SYMPK: variants seen among roughly 807,000 people sequenced by gnomAD.
SYMPK encodes symplekin scaffold protein.
A neutral mutation model predicts 136.4 loss-of-function variants in SYMPK; 49 were observed. That is an observed-to-expected ratio of 0.36 (90% confidence interval 0.29 to 0.46). The LOEUF is 0.46. Among genes scored for constraint, SYMPK ranks in the 20% least tolerant of loss-of-function variants. The pLI, the probability that SYMPK is intolerant of heterozygous loss-of-function variation, is 1.00. For synonymous variants in SYMPK, 766 were observed against 713.0 expected, an observed-to-expected ratio of 1.07 and a Z score of -1.19; for missense variants, 1,365 against 1,690.0, an observed-to-expected ratio of 0.81 and a Z score of 3.37.
rs1971673332 is a variant in SYMPK at position 45,850,474 on chromosome 19, G to A, written c.300-1598C>T. ...CTTCCTCCCAGTCACAAAGCATCCA[G>A]TAAAGCTTTAATAAACAAATGAGCA... On this transcript the variant is annotated intron_variant, in intron 5 of 26. Transcript: ENST00000245934. Among the ~76,000 whole-genome samples, 3 of 152,168 alleles carry A rather than the reference G, an allele frequency of 2.0e-5. No individual in the cohort carries two copies. The South Asian group carries it at 6.2e-4, about 32-fold the overall frequency.
At chr19:45,819,097 C>A (rs145688276) in intron 22 of SYMPK, 1 of 152,256 alleles carries the variant, frequency 6.6e-6, no homozygotes, top group African/African-American at 2.4e-5. Flanking sequence ...CCCTGCTCCT[C>A]GTCAGGGCCA....
chr19:45,830,356 G>T, intron 12 of SYMPK, 152 bp from the exon 13 acceptor site: 2 of 871,062 alleles, frequency 2.3e-6, no homozygotes, highest in Non-Finnish European at 1.7e-6. Flanking sequence ...CTGAGGCACG[G>T]TGTGGCGGTG....
intron 11 of SYMPK, among the ~76,000 whole-genome samples, chr19:45,834,590 T>C (rs1284339407): frequency 1.3e-5 from 2 of 152,178 alleles, no homozygotes; most frequent in Non-Finnish European, 2.9e-5. Context: ...TCATTATGTA[T>C]ATGCAAATAC....
chr19:45,834,412 T>C (rs1373550972), intron 11 of SYMPK, among the ~76,000 whole-genome samples: 5 of 151,534 alleles, frequency 3.3e-5, no homozygotes, highest in Non-Finnish European at 7.4e-5. Flanking sequence ...TAAGCCGAGA[T>C]TGCACCACTG....
At position 45,847,775 on chromosome 19, in the gene SYMPK, C is replaced by T. The variant is rs776872481; in HGVS notation, c.653G>A (p.Arg218His). The T allele has an allele frequency of 5.6e-6, 9 of 1,613,640 alleles. No individual in the cohort carries two copies. Among genetic ancestry groups the T allele is most frequent in the Admixed American group, 5.0e-5 (3 of 59,954 alleles). ...EHDISLDRIP[R>H]DHPYIQYNVL... is the part of the protein sequence containing the mutation. ...ACTGTACTGGATGTAGGGGTGGTCA[C>T]GAGGGATGCGGTCCAGGCTGATATC... Residue 218 changes from arginine to histidine, a missense_variant, in exon 7 of 27, where the codon CGT (arginine) becomes CAT (histidine). Transcript: ENST00000245934.
At chr19:45,817,255 CCT>C in intron 23 of SYMPK, 1 of 431,754 alleles carries the variant, frequency 2.3e-6, no homozygotes, top group South Asian at 2.9e-5. Context: ...TGCGGGAGCA[CCT>C]CTCATGACAT....
intron 24 of SYMPK, 43 bp from the exon 25 acceptor site, chr19:45,816,620 A>G (rs1157156101): frequency 6.2e-7 from 1 of 1,611,272 alleles, no homozygotes; most frequent in Admixed American, 1.7e-5. Flanking sequence ...CAGCTCTGGC[A>G]CAGAGACCCC....
chr19:45,854,472 G>A lies in SYMPK; in HGVS notation c.24C>T (p.Ser8=), dbSNP rs747620151. The change falls in exon 2 of 27, where the codon AGC becomes AGT. Residue 8 remains serine (S), a synonymous_variant. Coordinates refer to ENST00000245934, the MANE Select transcript of SYMPK (RefSeq NM_004819.3). MASGSGD[S]VTRRSVASQF... is the part of the protein sequence containing the mutation. The stretch of plus-strand genomic sequence containing the variant: ...GTGATGCCACGCTCCGACGGGTGAC[G>A]CTGTCTCCACTGCCGCTCGCCATGG... The A allele has an allele frequency of 5.0e-6, 8 of 1,613,784 alleles. No individual in the cohort carries two copies. The highest frequency in any genetic ancestry group is 2.7e-5 in the African/African-American group (2 of 74,926).
chr19:45,827,448 G>T, intron 16 of SYMPK, 62 bp downstream of exon 16: 1 of 1,213,070 alleles, frequency 8.2e-7, no homozygotes, highest in Non-Finnish European at 1.2e-6. Flanking sequence ...GGTTACTCAG[G>T]ATAGAGGCGG....
chr19:45,816,139 C>T lies in SYMPK; in HGVS notation c.3399G>A (p.Arg1133=). ...PLTLAPAPAP[R]PPQDLIGLRL... is the part of the protein sequence containing the mutation. Reference sequence around the variant, plus strand: ...GCAGGCCGATGAGGTCCTGAGGGGGCCGGGGTGCTGGGGCCGGGGCCAAGG... The same window carrying T: ...GCAGGCCGATGAGGTCCTGAGGGGGTCGGGGTGCTGGGGCCGGGGCCAAGG... Residue 1133 remains arginine, a synonymous_variant, in exon 26 of 27, where the codon CGG becomes CGA. Transcript: ENST00000245934. 2 of 1,548,774 alleles carry T rather than the reference C, an allele frequency of 1.3e-6. No homozygotes were observed. Among genetic ancestry groups the T allele is most frequent in the Non-Finnish European group, 8.7e-7 (1 of 1,144,018 alleles).
chr19:45,849,690 A>C (rs1182249805), intron 5 of SYMPK, among the ~76,000 whole-genome samples: 2 of 152,214 alleles, frequency 1.3e-5, no homozygotes, highest in Admixed American at 6.5e-5. Context: ...AATTTACCAC[A>C]AATTCTCCCA....
In SYMPK at chr19:45,816,035, G is replaced by T; in HGVS notation, c.3503C>A (p.Ser1168Tyr). 6.3e-7 allele frequency: 1 copy of T among 1,581,586 alleles called. No homozygotes were observed. Among genetic ancestry groups the T allele is most frequent in the Non-Finnish European group, 8.6e-7 (1 of 1,163,668 alleles). ...KLKPGGVGAPSSSSPSPSPSA... is the reference protein window; with the variant it reads ...KLKPGGVGAPYSSSPSPSPSA... The stretch of plus-strand genomic sequence containing the variant: ...CGGAGAGGGAGAGGGGGAGGAAGAG[G>T]AGGGGGCTCCCACTCCTCCCGGCTT... Residue 1168 changes from serine to tyrosine, a missense_variant, in exon 26 of 27, where the codon TCC (serine) becomes TAC (tyrosine). Coordinates refer to ENST00000245934, the MANE Select transcript of SYMPK (RefSeq NM_004819.3).
intron 16 of SYMPK, 77 bp downstream of exon 16, chr19:45,827,432 TG>T: frequency 1.0e-6 from 1 of 971,878 alleles, no homozygotes; most frequent in Non-Finnish European, 1.6e-6. Context: ...GTGGAAGACG[TG>T]GGCTGGTTAC....
intron 1 of SYMPK, among the ~76,000 whole-genome samples, chr19:45,859,208 A>G (rs756702991): frequency 7.2e-5 from 11 of 151,874 alleles, no homozygotes; most frequent in Non-Finnish European, 1.5e-4. Context: ...CACTGGGTTC[A>G]GTATTCCTGC....
chr19:45,815,943 C>T lies in SYMPK; in HGVS notation c.3595G>A (p.Glu1199Lys). 1 of 1,611,558 alleles carries T rather than the reference C, an allele frequency of 6.2e-7. No individual in the cohort carries two copies. Among genetic ancestry groups the T allele is most frequent in the Non-Finnish European group, 8.5e-7 (1 of 1,179,612 alleles). The change falls in exon 26 of 27, where the codon GAG becomes AAG. Residue 1199 changes from glutamate (E) to lysine (K), a missense_variant. By Grantham distance (56) the Glu-to-Lys change is moderately conservative (BLOSUM62 1). Transcript: ENST00000245934. ...MDFREEGPEC[E>K]TPGIFISMDD... ...ATGCTGATGAAGATGCCCGGGGTCT[C>T]GCACTCAGGCCCCTCCTCCCGGAAA...
At chr19:45,826,397 C>T (rs374778897) in intron 16 of SYMPK, 24 bp from the exon 17 acceptor site, 323 of 1,612,712 alleles carry the variant, frequency 2.0e-4, no homozygotes, top group Non-Finnish European at 2.6e-4. Context: ...TGGAGAAGGG[C>T]AGGGTCAGGG....
Position 45,852,896 on chromosome 19 carries a change from T to TCAC in SYMPK, c.172-364_172-362dup, listed in dbSNP as rs147229210. On this transcript the variant is annotated intron_variant, in intron 3 of 26. Coordinates refer to ENST00000245934, the MANE Select transcript of SYMPK (RefSeq NM_004819.3). ...GGCCTTCCTGAGGTTTGGCCTCCAT[T>TCAC]CACCTGTCCATCAGTTCTCCCCACT... is the stretch of plus-strand genomic sequence containing the variant. Among the ~76,000 whole-genome samples the TCAC allele has an allele frequency of 5.5e-3, 841 of 152,232 alleles. 7 individuals carry two copies. The highest frequency in any genetic ancestry group is 0.019 in the African/African-American group (802 of 41,540).
In SYMPK at chr19:45,815,686, C is replaced by A; in HGVS notation, c.3699G>T (p.Ala1233=). 8 of 1,609,762 alleles carry A rather than the reference C, an allele frequency of 5.0e-6. No homozygotes were observed. The highest frequency in any genetic ancestry group is 6.8e-6 in the Non-Finnish European group (8 of 1,178,750). Residue 1233 remains alanine (A), a synonymous_variant, in exon 27 of 27, where the codon GCG becomes GCT. Transcript: ENST00000245934. ...LEGPLPKETA[A]GGLTLKEERS... ...GCTCCTCCTTCAAGGTCAGCCCGCCCGCTGCCGTCTCCTGGTGACCGGGGA... is the reference window on the plus strand; with the variant it reads ...GCTCCTCCTTCAAGGTCAGCCCGCCAGCTGCCGTCTCCTGGTGACCGGGGA...
rs146548789 is a variant in SYMPK, at chr19:45,826,355, G to A, written c.2200C>T (p.Leu734=). Residue 734 remains leucine, a synonymous_variant, in exon 17 of 27, where the codon CTG becomes TTG. Transcript: ENST00000245934. ...TTCTCATACATGCGTTTGATGAACA[G>A]CAGGGCCTGGGAGCGCACCTGAGGA... ...EKDKVRSQAL[L]FIKRMYEKEQ... 2.5e-6 allele frequency: 4 copies of A among 1,614,050 alleles called. No individual in the cohort carries two copies. In the African/African-American group the frequency reaches 5.3e-5, roughly 22 times the overall value.
Sources: gnomAD v4.1 joint callset for allele counts (sites outside exome capture counted in the v4.1 genomes callset) on GRCh38, gnomAD v4.1.1 for gene constraint, MANE v1.5 for transcripts, NCBI Gene and HGNC (gene_info 2026-07-23, HGNC 2026-07-21) for gene names.